The following CDKL5 variants were observed in gnomAD, a reference collection of about 807,000 sequenced individuals.
CDKL5 encodes the protein cyclin-dependent kinase-like 5.
Under a neutral mutation model 61.7 loss-of-function variants are expected in CDKL5, and 8 were observed. The ratio of observed to expected loss-of-function variants is 0.13; its 90% CI spans 0.08 to 0.23. The LOEUF (loss-of-function observed/expected upper bound fraction) is 0.23. CDKL5 is among the 10% of genes least tolerant of loss of function. The probability of loss-of-function intolerance (pLI) is 1.00; values close to 1 mark genes in which losing one functional copy is unlikely to be tolerated. For synonymous variants in CDKL5, 275 were observed against 272.3 expected, an observed-to-expected ratio of 1.01 and a Z score of -0.10; for missense variants, 440 against 734.5, an observed-to-expected ratio of 0.60 and a Z score of 4.63.
At position 18,490,320 on chromosome X, in the gene CDKL5, G is replaced by T. The variant is rs746057600; in HGVS notation, c.-162-16615G>T. Among the ~76,000 whole-genome samples, 8 of 111,739 alleles carry T rather than the reference G, an allele frequency of 7.2e-5. No homozygotes were observed. The East Asian group carries it at 1.7e-3, about 24-fold the overall frequency. Reference sequence around the variant, plus strand: ...TGGATAGAAGTATGAATAGCCTGGGGACCTGGGACTTGTGACAGGAATCCG... The same window carrying T: ...TGGATAGAAGTATGAATAGCCTGGGTACCTGGGACTTGTGACAGGAATCCG... On this transcript the variant is annotated intron_variant, in intron 1 of 17. Coordinates refer to ENST00000623535, the MANE Select transcript of CDKL5 (RefSeq NM_001323289.2).
intron 3 of CDKL5, among the ~76,000 whole-genome samples, chrX:18,534,786 A>C (rs1057338146): frequency 8.9e-6 from 1 of 112,029 alleles, no homozygotes; most frequent in African/African-American, 3.2e-5. Context: ...TCCTCCATCT[A>C]TGTAACTTGC....
At chrX:18,521,690 C>A (rs2147102510) in intron 3 of CDKL5, among the ~76,000 whole-genome samples, 1 of 112,504 alleles carries the variant, frequency 8.9e-6, no homozygotes, top group South Asian at 3.7e-4. Flanking sequence ...AGTAATTTCT[C>A]ATAACGTTTG....
intron 20 of CDKL5, chrX:18,647,536 A>C: frequency 2.2e-6 from 1 of 448,940 alleles, no homozygotes; most frequent in Non-Finnish European, 3.9e-6. Context: ...GAAGTAAAGG[A>C]ATTGCCATAG....
chrX:18,493,309 T>C (rs1922057019), intron 1 of CDKL5, among the ~76,000 whole-genome samples: 1 of 112,312 alleles, frequency 8.9e-6, no homozygotes, highest in African/African-American at 3.2e-5. Flanking sequence ...AGGGATCTTG[T>C]CTGTTTTCTT....
At position 18,560,394 on chromosome X, in the gene CDKL5, T is replaced by C. The variant is rs1924760336; in HGVS notation, c.100-4083T>C. ...GTCTCCCAAAAGAAAGCCAGGAAGA[T>C]ATGACCTCTACAGAGAGTGAATAAG... On this transcript the variant is annotated intron_variant, in intron 3 of 17. Coordinates refer to ENST00000623535, the MANE Select transcript of CDKL5 (RefSeq NM_001323289.2). Among the ~76,000 whole-genome samples, 3 of 112,206 alleles carry C rather than the reference T, an allele frequency of 2.7e-5. No homozygotes were observed. The South Asian group carries it at 1.1e-3, about 41-fold the overall frequency.
chrX:18,509,836 G>A (rs753452141), intron 2 of CDKL5, among the ~76,000 whole-genome samples: 1 of 110,072 alleles, frequency 9.1e-6, no homozygotes, highest in Non-Finnish European at 1.9e-5. Flanking sequence ...GAATACTGAG[G>A]CCTGGACTAC....
chrX:18,493,095 C>T (rs1922050468), intron 1 of CDKL5, among the ~76,000 whole-genome samples: 2 of 111,536 alleles, frequency 1.8e-5, no homozygotes, highest in African/African-American at 6.5e-5. Context: ...TCTCCTGGAG[C>T]ATCCCCCTTC....
At chrX:18,439,916 A>AC (rs1931700705) in intron 1 of CDKL5, among the ~76,000 whole-genome samples, 1 of 110,740 alleles carries the variant, frequency 9.0e-6, no homozygotes, top group Non-Finnish European at 1.9e-5. Flanking sequence ...AAAAAAAAAA[A>AC]GCACATACTT....
intron 1 of CDKL5, among the ~76,000 whole-genome samples, chrX:18,440,556 C>A (rs1001139045): frequency 9.0e-6 from 1 of 111,672 alleles, no homozygotes; most frequent in East Asian, 2.8e-4. Context: ...TCACTGCAAC[C>A]TCTGCCTCCC....
At chrX:18,644,677 A>G (rs777847903), downstream of CDKL5, 2 of 1,154,402 alleles carry the variant, frequency 1.7e-6, no homozygotes, top group East Asian at 3.0e-5. Flanking sequence ...CATGTCTGCA[A>G]AAAGCCCGCA....
chrX:18,576,833 T>TA (rs1045562214), intron 5 of CDKL5, among the ~76,000 whole-genome samples: 9 of 107,111 alleles, frequency 8.4e-5, no homozygotes, highest in African/African-American at 1.4e-4. Context: ...AAAGTTCTAT[T>TA]AAAAAAAAAG....
At chrX:18,596,005 A>AT (rs200994068) in intron 10 of CDKL5, among the ~76,000 whole-genome samples, 1,427 of 109,663 alleles carry the variant, frequency 0.013, 15 homozygotes, top group Middle Eastern at 0.019. Flanking sequence ...ATTCAAGTTT[A>AT]TTTTTTTTTC....
At chrX:18,568,648 C>CTCG (rs1925044402) in intron 4 of CDKL5, among the ~76,000 whole-genome samples, 1 of 110,893 alleles carries the variant, frequency 9.0e-6, no homozygotes, top group Non-Finnish European at 1.9e-5. Context: ...TGTCAGTTTT[C>CTCG]TCTTCTTCTT....
chrX:18,426,077 A>G (rs1365659060), intron 1 of CDKL5: 4 of 111,778 alleles, frequency 3.6e-5, no homozygotes, highest in African/African-American at 1.3e-4. Context: ...GCTTGCGGCG[A>G]GGTAAGCCCC....
chrX:18,653,535 G>A lies in CDKL5; in HGVS notation c.3084G>A (p.Thr1028=), dbSNP rs139155110. Residue 1028 remains threonine, a synonymous_variant, in exon 22 of 22, where the codon ACG becomes ACA. Coordinates refer to the CDKL5 transcript ENST00000379989. ...CATACCATGAGAATGCGGCACTGAC[G>A]GGCAAGTGACTTCTGCAAGCCTGCG... 5,300 of 1,210,189 alleles carry A rather than the reference G, an allele frequency of 4.4e-3. 20 individuals carry two copies. The highest frequency in any genetic ancestry group is 9.0e-3 in the Middle Eastern group (39 of 4,346).
At chrX:18,504,825 C>T (rs371146282) in intron 1 of CDKL5, among the ~76,000 whole-genome samples, 28 of 107,998 alleles carry the variant, frequency 2.6e-4, no homozygotes, top group African/African-American at 8.8e-4. Flanking sequence ...CCCAGCTACA[C>T]GGGAGGCTGA....
intron 3 of CDKL5, among the ~76,000 whole-genome samples, chrX:18,555,785 G>T (rs2147125921): frequency 8.9e-6 from 1 of 112,109 alleles, no homozygotes; most frequent in South Asian, 3.7e-4. Context: ...TCAAACACAG[G>T]ATACAAAAGA....
intron 1 of CDKL5, among the ~76,000 whole-genome samples, chrX:18,429,231 G>T (rs1313119562): frequency 1.8e-5 from 2 of 111,717 alleles, no homozygotes; most frequent in Non-Finnish European, 3.8e-5. Context: ...AAAGGAACTA[G>T]CCCATTCAGG....
chrX:18,625,495 A>G (rs183118018), intron 17 of CDKL5, among the ~76,000 whole-genome samples: 38 of 111,581 alleles, frequency 3.4e-4, no homozygotes, highest in Non-Finnish European at 6.4e-4. Context: ...AGGCAACTGA[A>G]GATGTAGTCC....
Sources: gnomAD v4.1 joint callset for allele counts (sites outside exome capture counted in the v4.1 genomes callset) on GRCh38, gnomAD v4.1.1 for gene constraint, MANE v1.5 for transcripts, NCBI Gene and HGNC (gene_info 2026-07-23, HGNC 2026-07-21) for gene names.